Variants in DPP10 observed in about 807,000 individuals in gnomAD.
DPP10 encodes the protein dipeptidyl peptidase like 10, also known as inactive dipeptidyl peptidase 10.
DPP10 carries 33 observed loss-of-function variants against 120.9 expected under a neutral mutation model. The observed-to-expected ratio is 0.27, with a 90% CI of 0.21 to 0.37. The LOEUF is 0.37. Among genes scored for constraint, DPP10 ranks in the 10% least tolerant of loss-of-function variants. The pLI is 1.00. For missense variants in DPP10, 816 were observed against 942.8 expected (o/e 0.87, Z 1.76); for synonymous variants, 337 against 326.1 (o/e 1.03, Z -0.36).
At chr2:115,393,396 C>T (rs980966375) in intron 3 of DPP10, among the ~76,000 whole-genome samples, 1 of 151,624 alleles carries the variant, frequency 6.6e-6, no homozygotes, top group African/African-American at 2.4e-5. Flanking sequence ...AAAAATTGAA[C>T]AGCTTATCAA....
intron 1 of DPP10, among the ~76,000 whole-genome samples, chr2:115,270,560 G>A (rs552043812): frequency 3.3e-5 from 5 of 152,298 alleles, no homozygotes; most frequent in African/African-American, 1.2e-4. Context: ...GGTACTAGCT[G>A]TGGGTGTGCT....
At chr2:115,698,885 A>G (rs1575554074) in intron 7 of DPP10, among the ~76,000 whole-genome samples, 1 of 152,156 alleles carries the variant, frequency 6.6e-6, no homozygotes, top group African/African-American at 2.4e-5. Context: ...AAGGTACTCA[A>G]AAAAGAAAAA....
chr2:114,545,132 G>A (rs1472560819), intron 1 of DPP10, among the ~76,000 whole-genome samples: 1 of 152,038 alleles, frequency 6.6e-6, no homozygotes. Flanking sequence ...TTACAGGTGT[G>A]AGCCACTATG....
chr2:115,645,360 C>A (rs1406872527), intron 5 of DPP10, among the ~76,000 whole-genome samples: 1 of 152,088 alleles, frequency 6.6e-6, no homozygotes, highest in Non-Finnish European at 1.5e-5. Context: ...GTACACATCC[C>A]TGCATGACTA....
chr2:115,181,042 G>A (rs1057286840), intron 1 of DPP10, among the ~76,000 whole-genome samples: 3 of 78,698 alleles, frequency 3.8e-5, no homozygotes, highest in Non-Finnish European at 7.7e-5. Flanking sequence ...TTTGATTTAC[G>A]AATAAGGACA....
intron 2 of DPP10, among the ~76,000 whole-genome samples, chr2:115,332,365 C>T (rs919167378): frequency 5.3e-5 from 8 of 151,934 alleles, no homozygotes; most frequent in African/African-American, 1.7e-4. Flanking sequence ...TTGATCTTTT[C>T]GAAAAACCAG....
chr2:115,407,170 T>G (rs76526890), intron 3 of DPP10, among the ~76,000 whole-genome samples: 1 of 152,104 alleles, frequency 6.6e-6, no homozygotes, highest in African/African-American at 2.4e-5. Context: ...CTACCCTGTC[T>G]CTGCAGTGCG....
At chr2:114,578,788 C>G (rs959095460) in intron 1 of DPP10, among the ~76,000 whole-genome samples, 9 of 152,142 alleles carry the variant, frequency 5.9e-5, no homozygotes, top group African/African-American at 2.2e-4. Flanking sequence ...CAATTATAAC[C>G]TGCTACCAGG....
chr2:115,575,667 C>G lies in DPP10; in HGVS notation c.441+49695C>G, dbSNP rs139791652. ...AGACTGTGGCAGGCAGAATAATGAT[C>G]CCCCAAAATGTCCACAACCCCCAGA... is the stretch of plus-strand genomic sequence containing the variant. On this transcript the variant is annotated intron_variant, in intron 5 of 25. Transcript: ENST00000410059. Among the ~76,000 whole-genome samples, 178 of 152,186 alleles carry G rather than the reference C, an allele frequency of 1.2e-3. 3 individuals carry two copies. The East Asian group carries it at 0.025, about 21-fold the overall frequency.
chr2:115,121,002 T>C (rs2049795550), intron 1 of DPP10, among the ~76,000 whole-genome samples: 1 of 152,218 alleles, frequency 6.6e-6, no homozygotes, highest in South Asian at 2.1e-4. Flanking sequence ...TTAGAAGTTA[T>C]TCTCCCTCAA....
intron 3 of DPP10, among the ~76,000 whole-genome samples, chr2:115,352,779 G>C (rs2064119455): frequency 6.6e-6 from 1 of 152,098 alleles, no homozygotes; most frequent in Non-Finnish European, 1.5e-5. Flanking sequence ...TAACTGAAGA[G>C]TTGCAAGAAA....
At chr2:115,284,067 T>C (rs1011282907) in intron 1 of DPP10, among the ~76,000 whole-genome samples, 1 of 152,020 alleles carries the variant, frequency 6.6e-6, no homozygotes, top group Admixed American at 6.6e-5. Flanking sequence ...CATATGATAC[T>C]GGGTTGTGAT....
chr2:115,431,324 T>C (rs1203779907), intron 3 of DPP10, among the ~76,000 whole-genome samples: 1 of 151,868 alleles, frequency 6.6e-6, no homozygotes, highest in African/African-American at 2.4e-5. Flanking sequence ...TAACAAGGAG[T>C]AGACGACGAA....
intron 1 of DPP10, among the ~76,000 whole-genome samples, chr2:114,551,472 T>A (rs541626578): frequency 7.2e-5 from 11 of 152,366 alleles, no homozygotes; most frequent in African/African-American, 2.6e-4. Context: ...AGAGCTAAAG[T>A]GAATTGAAGT....
At chr2:115,598,770 T>C (rs1274825997) in intron 5 of DPP10, among the ~76,000 whole-genome samples, 1 of 151,478 alleles carries the variant, frequency 6.6e-6, no homozygotes, top group Non-Finnish European at 1.5e-5. Flanking sequence ...GATTCAAGCT[T>C]TTCATCTGGT....
intron 1 of DPP10, among the ~76,000 whole-genome samples, chr2:115,228,394 A>G (rs2057551511): frequency 6.6e-6 from 1 of 151,992 alleles, no homozygotes; most frequent in Admixed American, 6.6e-5. Context: ...ATTTTAAAAT[A>G]TAGAATAGAT....
intron 1 of DPP10, among the ~76,000 whole-genome samples, chr2:114,988,233 A>G (rs1161365303): frequency 6.6e-6 from 1 of 152,184 alleles, no homozygotes; most frequent in Non-Finnish European, 1.5e-5. Flanking sequence ...TGCTTTTATT[A>G]TTGCCCTTGT....
intron 1 of DPP10, among the ~76,000 whole-genome samples, chr2:114,711,964 T>C (rs1701055268): frequency 1.3e-5 from 2 of 151,990 alleles, no homozygotes; most frequent in Admixed American, 1.3e-4. Context: ...AGTCAAATTA[T>C]AATAATTATC....
At chr2:115,360,814 G>A (rs975054947) in intron 3 of DPP10, among the ~76,000 whole-genome samples, 2 of 152,204 alleles carry the variant, frequency 1.3e-5, no homozygotes, top group Non-Finnish European at 2.9e-5. Context: ...AGAGAGGGTT[G>A]TGGGGTATGT....
Sources: allele counts gnomAD v4.1 joint callset (sites outside exome capture counted in the v4.1 genomes callset), GRCh38; gene constraint gnomAD v4.1.1; transcripts MANE v1.5; gene names NCBI Gene and HGNC (gene_info 2026-07-23, HGNC 2026-07-21).